The following ELK3 variants were observed in gnomAD, a reference collection of about 807,000 sequenced individuals.
ELK3 encodes ETS domain-containing protein Elk-3.
A neutral mutation model predicts 28.9 loss-of-function variants in ELK3; 10 were observed. That is an observed-to-expected ratio of 0.35 (90% CI 0.21 to 0.59). ELK3 has a LOEUF of 0.59. Among genes scored for constraint, ELK3 ranks in the 20% least tolerant of loss-of-function variants. The probability of loss-of-function intolerance (pLI) is 0.82; values close to 1 mark genes in which losing one functional copy is unlikely to be tolerated. For synonymous variants in ELK3, 272 were observed against 243.5 expected, an observed-to-expected ratio of 1.12 and a Z score of -1.09; for missense variants, 463 against 517.3, an observed-to-expected ratio of 0.90 and a Z score of 1.02.
At chr12:96,237,785 C>T (rs2079868398) in intron 2 of ELK3, among the ~76,000 whole-genome samples, 2 of 152,184 alleles carry the variant, frequency 1.3e-5, no homozygotes, top group African/African-American at 4.8e-5. Flanking sequence ...CCAGCAAGAC[C>T]CCATCTCTAA....
chr12:96,246,918 A>G lies in ELK3; in HGVS notation c.208-22A>G, dbSNP rs545187826. On this transcript the variant is annotated intron_variant, in intron 2 of 4. Transcript: ENST00000228741. ...TTTCTCGGGTGCACTCAGATTTTCA[A>G]CGTCTACTTTTGTATTTGCAGAACA... The G allele has an allele frequency of 7.6e-5, 118 of 1,561,894 alleles. No homozygotes were observed. In the South Asian group the frequency reaches 1.1e-3, roughly 14 times the overall value.
intron 1 of ELK3, 53 bp from the exon 2 acceptor site, chr12:96,223,512 A>G: frequency 1.3e-6 from 2 of 1,590,496 alleles, no homozygotes; most frequent in Non-Finnish European, 8.6e-7. Flanking sequence ...CTCCTCGCCA[A>G]GTTTGGTCGG....
intron 4 of ELK3, 34 bp downstream of exon 4, chr12:96,259,887 G>A (rs1278786931): frequency 1.3e-6 from 2 of 1,550,420 alleles, no homozygotes; most frequent in Non-Finnish European, 8.7e-7. Context: ...TGAACATTAA[G>A]CTTCTGAGGG....
At chr12:96,227,683 T>C (rs1415667964) in intron 2 of ELK3, among the ~76,000 whole-genome samples, 1 of 151,954 alleles carries the variant, frequency 6.6e-6, no homozygotes, top group East Asian at 1.9e-4. Context: ...TGATCATTGC[T>C]CCTCCTCAGA....
At chr12:96,227,377 C>G (rs979655371) in intron 2 of ELK3, among the ~76,000 whole-genome samples, 2 of 152,278 alleles carry the variant, frequency 1.3e-5, no homozygotes, top group South Asian at 4.2e-4. Flanking sequence ...GTCATTTCTT[C>G]CCTCTTGGCT....
chr12:96,208,992 G>A (rs1246412569), intron 1 of ELK3, among the ~76,000 whole-genome samples: 4 of 152,212 alleles, frequency 2.6e-5, no homozygotes, highest in Non-Finnish European at 5.9e-5. Context: ...GATCCCTTGG[G>A]GATCCTTCTG....
At chr12:96,235,156 C>T (rs1458401490) in intron 2 of ELK3, among the ~76,000 whole-genome samples, 3 of 151,946 alleles carry the variant, frequency 2.0e-5, no homozygotes, top group African/African-American at 7.3e-5. Flanking sequence ...GTCCAAACTC[C>T]CTTCACCATC....
intron 1 of ELK3, 139 bp downstream of exon 1, chr12:96,194,844 G>A (rs1426985903): frequency 2.1e-5 from 3 of 141,482 alleles, no homozygotes; most frequent in African/African-American, 7.6e-5. Context: ...CCGGGGTGGG[G>A]GTGGCGGTGC....
intron 3 of ELK3, among the ~76,000 whole-genome samples, chr12:96,257,052 C>T (rs929413444): frequency 3.9e-5 from 6 of 152,256 alleles, no homozygotes; most frequent in African/African-American, 1.4e-4. Flanking sequence ...AGCTCCTTAT[C>T]TGCCATGCTT....
intron 1 of ELK3, among the ~76,000 whole-genome samples, chr12:96,203,657 C>T (rs1194441069): frequency 6.6e-6 from 1 of 152,124 alleles, no homozygotes. Context: ...ACCATAAAGA[C>T]AGGCTGGGCG....
chr12:96,234,955 G>T (rs1467645209), intron 2 of ELK3, among the ~76,000 whole-genome samples: 3 of 152,138 alleles, frequency 2.0e-5, no homozygotes, highest in Non-Finnish European at 4.4e-5. Flanking sequence ...GGAGAGACAG[G>T]CCCCCGGTAT....
Position 96,259,752 on chromosome 12 carries a change from A to G in ELK3, c.1024A>G (p.Thr342Ala). 6.2e-7 allele frequency: 1 copy of G among 1,609,740 alleles called. No individual in the cohort carries two copies. Reference protein sequence around the residue: ...TAQTPNGLLLTPSPLLSSIHF... With the variant: ...TAQTPNGLLLAPSPLLSSIHF... ...CCAGACACCAAATGGATTGCTTCTG[A>G]CTCCGAGTCCACTGCTCTCCAGCAT... is the stretch of plus-strand genomic sequence containing the variant. The change falls in exon 4 of 5, where the codon ACT becomes GCT. Residue 342 changes from threonine to alanine, a missense_variant. Thr to Ala is a moderately conservative substitution (Grantham distance 58). This residue lies in a region of ELK3 where 408 missense variants were observed against 414.8 expected (regional missense o/e 0.98). Coordinates refer to ENST00000228741, the MANE Select transcript of ELK3 (RefSeq NM_005230.4).
chr12:96,246,835 A>C, intron 2 of ELK3, 105 bp from the exon 3 acceptor site: 1 of 1,192,632 alleles, frequency 8.4e-7, no homozygotes, highest in Non-Finnish European at 1.2e-6. Context: ...AATGTAAATC[A>C]GGAACATTTT....
chr12:96,205,142 C>T (rs1291424543), intron 1 of ELK3, among the ~76,000 whole-genome samples: 1 of 152,188 alleles, frequency 6.6e-6, no homozygotes, highest in Non-Finnish European at 1.5e-5. Context: ...GTTTACTAAC[C>T]GTCTCCACCC....
intron 2 of ELK3, among the ~76,000 whole-genome samples, chr12:96,235,720 G>A (rs1770911582): frequency 6.6e-6 from 1 of 152,174 alleles, no homozygotes; most frequent in Non-Finnish European, 1.5e-5. Flanking sequence ...GCCAGCGCTG[G>A]AGGTGGCCGC....
At chr12:96,256,914 A>C (rs1368038828) in intron 3 of ELK3, among the ~76,000 whole-genome samples, 1 of 151,710 alleles carries the variant, frequency 6.6e-6, no homozygotes, top group East Asian at 1.9e-4. Context: ...TTTTTAGGAG[A>C]CTCTATGAAG....
chr12:96,198,420 A>G (rs1951486096), intron 1 of ELK3, among the ~76,000 whole-genome samples: 1 of 152,194 alleles, frequency 6.6e-6, no homozygotes, highest in Non-Finnish European at 1.5e-5. Context: ...TTCTGGCTGT[A>G]GAGCCCAGAT....
At chr12:96,210,578 C>CACACAA (rs1951570905) in intron 1 of ELK3, among the ~76,000 whole-genome samples, 1 of 151,162 alleles carries the variant, frequency 6.6e-6, no homozygotes, top group Non-Finnish European at 1.5e-5. Flanking sequence ...CACACACACA[C>CACACAA]ACACACACAC....
chr12:96,268,416 T>C lies in ELK3; in HGVS notation c.*1236T>C, dbSNP rs1328356859. ...CCTCATCATCGTGGAACTGAACTGA[T>C]GATAACTTGGAACACTCCAGTAAAT... is the stretch of plus-strand genomic sequence containing the variant. On this transcript the variant is annotated 3_prime_UTR_variant, in exon 5 of 5. Transcript: ENST00000228741. The C allele has an allele frequency of 6.6e-6, 1 of 152,214 alleles. No homozygotes were observed. The highest frequency in any genetic ancestry group is 2.4e-5 in the African/African-American group (1 of 41,452). The allele number at this position is 152,214 out of a possible 1,614,324, so 9.4% of individuals were successfully genotyped here.
Sources: allele counts gnomAD v4.1 joint callset (sites outside exome capture counted in the v4.1 genomes callset), GRCh38; gene constraint gnomAD v4.1.1; regional missense constraint gnomAD v4.1.1; transcripts MANE v1.5; gene names NCBI Gene and HGNC (gene_info 2026-07-23, HGNC 2026-07-21).